RSPO3: variants seen among roughly 807,000 people sequenced by gnomAD.
RSPO3 encodes R-spondin-3.
Under a neutral mutation model 36.5 loss-of-function variants are expected in RSPO3, and 17 were observed. The observed-to-expected ratio is 0.47, with a 90% CI of 0.32 to 0.70. The LOEUF is 0.70. Among genes scored for constraint, RSPO3 ranks in the 30% least tolerant of loss-of-function variants. The pLI is 0.04. For synonymous variants in RSPO3, 108 were observed against 107.0 expected, an observed-to-expected ratio of 1.01 and a Z score of -0.06; for missense variants, 294 against 322.5, an observed-to-expected ratio of 0.91 and a Z score of 0.68.
rs1773780184 is a variant in RSPO3 at position 127,119,110 on chromosome 6, A to G, written c.-83A>G. On this transcript the variant is annotated 5_prime_UTR_variant, in exon 1 of 5. Coordinates refer to ENST00000356698, the MANE Select transcript of RSPO3 (RefSeq NM_032784.5). The stretch of plus-strand genomic sequence containing the variant: ...CGGGCACTGTCTATATACGCCTAAC[A>G]CCTACATATATTTTAAAAACATTAA... The G allele has an allele frequency of 2.8e-6, 3 of 1,087,266 alleles. No homozygotes were observed. The African/African-American group carries it at 4.8e-5, about 17-fold the overall frequency. 67.4% of individuals were successfully genotyped at this position (1,087,266 alleles called of 1,614,324 possible).
At chr6:127,188,306 C>T (rs1775338011) in intron 4 of RSPO3, among the ~76,000 whole-genome samples, 1 of 152,094 alleles carries the variant, frequency 6.6e-6, no homozygotes, top group Non-Finnish European at 1.5e-5. Context: ...GTTTATTATG[C>T]TTAAAGCAGA....
intron 4 of RSPO3, among the ~76,000 whole-genome samples, chr6:127,167,489 A>G (rs1406776890): frequency 1.3e-5 from 2 of 152,120 alleles, no homozygotes; most frequent in African/African-American, 2.4e-5. Context: ...TCCATGGTGT[A>G]TATGTGCCAC....
At chr6:127,172,060 A>G (rs1016047054) in intron 4 of RSPO3, among the ~76,000 whole-genome samples, 3 of 151,368 alleles carry the variant, frequency 2.0e-5, no homozygotes, top group Non-Finnish European at 4.4e-5. Flanking sequence ...TCTAACTACA[A>G]GCACCTAAAG....
chr6:127,180,282 A>G (rs1353090518), intron 4 of RSPO3, among the ~76,000 whole-genome samples: 2 of 151,614 alleles, frequency 1.3e-5, no homozygotes, highest in Non-Finnish European at 1.5e-5. Context: ...TGACTGAGCA[A>G]AGGCAAATTA....
At chr6:127,126,091 A>G (rs527630404) in intron 1 of RSPO3, among the ~76,000 whole-genome samples, 3 of 152,228 alleles carry the variant, frequency 2.0e-5, no homozygotes, top group African/African-American at 7.2e-5. Flanking sequence ...TTTGGAGTAT[A>G]AGGACTCAGG....
chr6:127,182,838 G>C (rs1775216041), intron 4 of RSPO3, among the ~76,000 whole-genome samples: 1 of 151,964 alleles, frequency 6.6e-6, no homozygotes, highest in African/African-American at 2.4e-5. Context: ...AAAGCCCCAA[G>C]ATCAGGCAAG....
chr6:127,154,523 G>T (rs976676005), intron 3 of RSPO3, among the ~76,000 whole-genome samples: 6 of 152,140 alleles, frequency 3.9e-5, no homozygotes, highest in Non-Finnish European at 7.4e-5. Flanking sequence ...AATTGACCCA[G>T]AATTCACATA....
At chr6:127,191,581 C>T (rs1172878253) in intron 4 of RSPO3, among the ~76,000 whole-genome samples, 1 of 152,162 alleles carries the variant, frequency 6.6e-6, no homozygotes, top group African/African-American at 2.4e-5. Flanking sequence ...TTATGTGATA[C>T]TACTATGCAA....
At chr6:127,135,926 C>CAAA (rs5879836) in intron 1 of RSPO3, among the ~76,000 whole-genome samples, 15 of 115,020 alleles carry the variant, frequency 1.3e-4, no homozygotes, top group African/African-American at 4.2e-4. Context: ...GACCCTGCCT[C>CAAA]AAAAAAAAAA....
chr6:127,186,970 T>C (rs1252993162), intron 4 of RSPO3, among the ~76,000 whole-genome samples: 2 of 152,148 alleles, frequency 1.3e-5, no homozygotes, highest in South Asian at 2.1e-4. Context: ...GCTGTTCCAC[T>C]TTTTTAAATA....
chr6:127,141,302 G>A (rs1774265096), intron 1 of RSPO3, among the ~76,000 whole-genome samples: 1 of 152,066 alleles, frequency 6.6e-6, no homozygotes, highest in South Asian at 2.1e-4. Flanking sequence ...TTACCAGGTT[G>A]GCTTTGAGCT....
chr6:127,166,007 T>C (rs1774814003), intron 4 of RSPO3, among the ~76,000 whole-genome samples: 1 of 152,004 alleles, frequency 6.6e-6, no homozygotes. Context: ...AAGTGGGTTG[T>C]ATATTCTTCC....
chr6:127,189,777 C>A (rs1211960679), intron 4 of RSPO3, among the ~76,000 whole-genome samples: 10 of 152,080 alleles, frequency 6.6e-5, no homozygotes, highest in Non-Finnish European at 2.9e-5. Context: ...TCAGAAGCAT[C>A]TTGAAAATTA....
chr6:127,198,553 C>T lies in RSPO3; in HGVS notation c.*2546C>T, dbSNP rs530108575. 3.7e-4 allele frequency among the ~76,000 whole-genome samples: 57 copies of T among 152,240 alleles called. 1 individual carries two copies. Among genetic ancestry groups the T allele is most frequent in the Non-Finnish European group, 6.6e-4 (45 of 68,008 alleles). ...ATAGTTTACCCCATCAACAGATGGT[C>T]GGTAAATTATTGATTCGAAGAATCG... On this transcript the variant is annotated 3_prime_UTR_variant, in exon 5 of 5. Transcript: ENST00000356698.
chr6:127,183,644 T>G (rs1775232932), intron 4 of RSPO3, among the ~76,000 whole-genome samples: 1 of 152,086 alleles, frequency 6.6e-6, no homozygotes, highest in African/African-American at 2.4e-5. Context: ...ATAGACTCAC[T>G]ACAGTTCTCA....
intron 4 of RSPO3, among the ~76,000 whole-genome samples, chr6:127,179,591 A>G (rs756993609): frequency 6.6e-6 from 1 of 151,904 alleles, no homozygotes; most frequent in Non-Finnish European, 1.5e-5. Context: ...TTGGGTTTGT[A>G]TTAGTTTTTT....
At chr6:127,123,664 C>T (rs930100269) in intron 1 of RSPO3, among the ~76,000 whole-genome samples, 9 of 151,880 alleles carry the variant, frequency 5.9e-5, no homozygotes, top group Non-Finnish European at 1.0e-4. Context: ...CTTTTTAGCC[C>T]CAAGTTACTC....
chr6:127,156,826 A>T (rs1274478477), intron 4 of RSPO3, among the ~76,000 whole-genome samples: 1 of 152,164 alleles, frequency 6.6e-6, no homozygotes, highest in Non-Finnish European at 1.5e-5. Flanking sequence ...GGGAACACAG[A>T]AGAGGACACT....
intron 4 of RSPO3, among the ~76,000 whole-genome samples, chr6:127,172,639 C>T (rs993219991): frequency 1.7e-4 from 26 of 151,872 alleles, no homozygotes; most frequent in African/African-American, 5.8e-4. Context: ...ATATCCATTA[C>T]CATAACCATA....
Sources: allele counts gnomAD v4.1 joint callset (sites outside exome capture counted in the v4.1 genomes callset), GRCh38; gene constraint gnomAD v4.1.1; transcripts MANE v1.5; gene names NCBI Gene and HGNC (gene_info 2026-07-23, HGNC 2026-07-21).